Variants in PTPRQ observed in about 807,000 individuals in gnomAD.
The protein encoded by PTPRQ is phosphatidylinositol phosphatase PTPRQ.
Under a neutral mutation model 246.0 loss-of-function variants are expected in PTPRQ, and 199 were observed. The observed-to-expected ratio is 0.81, with a 90% CI of 0.72 to 0.91. The LOEUF is 0.91. Ranked by LOEUF, PTPRQ falls within the 40% of genes least tolerant of loss-of-function variation. PTPRQ has a pLI of 0.00. For synonymous variants in PTPRQ, 869 were observed against 853.2 expected (o/e 1.02, Z -0.32); for missense variants, 2,624 against 2,528.4 (o/e 1.04, Z -0.81).
chr12:80,635,600 A>C (rs1463936405), intron 35 of PTPRQ, among the ~76,000 whole-genome samples: 3 of 152,014 alleles, frequency 2.0e-5, no homozygotes, highest in Non-Finnish European at 4.4e-5. Context: ...AGTTACCTTC[A>C]GAGGGAAAAG....
chr12:80,496,378 G>C lies in PTPRQ; in HGVS notation c.2119G>C (p.Asp707His). The C allele has an allele frequency of 1.9e-6, 3 of 1,550,408 alleles. No individual in the cohort carries two copies. The highest frequency in any genetic ancestry group is 2.6e-6 in the Non-Finnish European group (3 of 1,146,190). ...TTATGAAGTGCTATATAAAAATATA[G>C]ATACTTTATATATGAAGAACACATC... ...IAYEVLYKNI[D>H]TLYMKNTSTT... is the part of the protein sequence containing the mutation. The change falls in exon 14 of 45, where the codon GAT (aspartate) becomes CAT (histidine). Residue 707 changes from aspartate to histidine, a missense_variant. Physicochemically the swap from Asp to His is moderately conservative, Grantham distance 81. Coordinates refer to ENST00000644991, the MANE Select transcript of PTPRQ (RefSeq NM_001145026.2).
intron 19 of PTPRQ, among the ~76,000 whole-genome samples, chr12:80,537,523 G>A (rs1170959534): frequency 1.3e-5 from 2 of 152,068 alleles, no homozygotes; most frequent in East Asian, 3.9e-4. Flanking sequence ...GTCAGACATA[G>A]GTTTAATGCT....
In PTPRQ at chr12:80,444,459, A is replaced by G. The variant is rs984068538; in HGVS notation, c.54+60A>G. 8.2e-6 allele frequency: 8 copies of G among 979,854 alleles called. No homozygotes were observed. In the Admixed American group the frequency reaches 1.1e-4, roughly 13 times the overall value. 60.7% of individuals were successfully genotyped at this position (979,854 alleles called of 1,614,324 possible). A position where few individuals can be genotyped will look rare whatever the true frequency, so the allele number is the denominator to read the frequency against. ...AGTCATGGGCTGTAGATTTCTCAAGACTTGAATAGTTGTTCCTTGTGACAG... is the reference window on the plus strand; with the variant it reads ...AGTCATGGGCTGTAGATTTCTCAAGGCTTGAATAGTTGTTCCTTGTGACAG... On this transcript the variant is annotated intron_variant, in intron 1 of 44. Transcript: ENST00000644991.
rs1005570619 is a variant in PTPRQ at position 80,484,537 on chromosome 12, C to T, written c.1291C>T (p.Arg431Ter). The change falls in exon 9 of 45, where the codon CGA becomes TGA. Residue 431 changes from arginine (R) to a stop codon, truncating the protein, a stop_gained. Transcript: ENST00000644991. LOFTEE classifies it high-confidence loss of function. ...RQPNGIINQY[R>*]VKVLVPETGI... ...ACCAAATGGAATTATTAACCAATAC[C>T]GAGTGAAAGTGCTAGTTCCAGAGAC... 5.0e-5 allele frequency: 78 copies of T among 1,550,860 alleles called. No individual in the cohort carries two copies. The highest frequency in any genetic ancestry group is 6.2e-5 in the Non-Finnish European group (71 of 1,146,764).
intron 36 of PTPRQ, 74 bp from the exon 37 acceptor site, chr12:80,649,514 G>A (rs1292849397): frequency 3.4e-6 from 5 of 1,484,838 alleles, no homozygotes; most frequent in Non-Finnish European, 4.5e-6. Context: ...TGTTAAAAGT[G>A]AAGCCAGTGC....
At chr12:80,618,364 AC>A (rs1898847913) in intron 30 of PTPRQ, among the ~76,000 whole-genome samples, 1 of 131,204 alleles carries the variant, frequency 7.6e-6, no homozygotes, top group Admixed American at 7.8e-5. Context: ...CTACATTCAC[AC>A]ACACACACAC....
intron 17 of PTPRQ, among the ~76,000 whole-genome samples, chr12:80,524,896 T>C (rs1592614352): frequency 6.6e-6 from 1 of 152,340 alleles, no homozygotes; most frequent in Admixed American, 6.5e-5. Context: ...ATATGTGTTA[T>C]AATTGGCCTT....
Position 80,652,727 on chromosome 12 carries a change from A to G in PTPRQ, c.6025-17A>G, listed in dbSNP as rs1407143982. 9.0e-5 allele frequency: 134 copies of G among 1,489,652 alleles called. No homozygotes were observed. The highest frequency in any genetic ancestry group is 1.2e-4 in the Non-Finnish European group (130 of 1,123,714). 92.3% of individuals were successfully genotyped at this position (1,489,652 alleles called of 1,614,324 possible). A position where few individuals can be genotyped will look rare whatever the true frequency, so the allele number is the denominator to read the frequency against. On this transcript the variant is annotated splice_polypyrimidine_tract_variant and intron_variant, in intron 37 of 44. Transcript: ENST00000644991. ...ACCTCTGATAAATGTAAACTTTGTA[A>G]TGACTTTATTTTACAGGAATTACCA...
At chr12:80,509,984 T>C (rs1407487018) in intron 16 of PTPRQ, among the ~76,000 whole-genome samples, 1 of 152,130 alleles carries the variant, frequency 6.6e-6, no homozygotes, top group Non-Finnish European at 1.5e-5. Context: ...ACTGTATATT[T>C]ATTCACCCTC....
intron 5 of PTPRQ, among the ~76,000 whole-genome samples, chr12:80,459,948 T>C (rs1300557454): frequency 1.3e-5 from 2 of 152,164 alleles, no homozygotes; most frequent in Non-Finnish European, 2.9e-5. Flanking sequence ...TTTGCAGAGG[T>C]AGACTGTCAT....
At chr12:80,478,894 G>A (rs563912529) in intron 8 of PTPRQ, among the ~76,000 whole-genome samples, 6 of 152,266 alleles carry the variant, frequency 3.9e-5, no homozygotes, top group Admixed American at 1.3e-4. Flanking sequence ...CCAAATCTAC[G>A]TCTGATTGGT....
intron 25 of PTPRQ, among the ~76,000 whole-genome samples, chr12:80,576,845 T>G (rs1185707109): frequency 6.6e-6 from 1 of 152,228 alleles, no homozygotes; most frequent in Non-Finnish European, 1.5e-5. Flanking sequence ...ACCTCTCCTG[T>G]GATAACTCTG....
intron 37 of PTPRQ, among the ~76,000 whole-genome samples, chr12:80,651,503 C>T (rs754535850): frequency 1.5e-4 from 23 of 152,032 alleles, no homozygotes; most frequent in Non-Finnish European, 2.1e-4. Flanking sequence ...TCTAACTCAT[C>T]TGTGGTCCCA....
intron 25 of PTPRQ, among the ~76,000 whole-genome samples, chr12:80,561,850 G>T (rs541308328): frequency 6.6e-6 from 1 of 152,164 alleles, no homozygotes; most frequent in East Asian, 1.9e-4. Flanking sequence ...GGACACCCTT[G>T]CCTTGTTCCT....
intron 43 of PTPRQ, 67 bp from the exon 44 acceptor site, chr12:80,678,535 A>C: frequency 6.9e-7 from 1 of 1,446,522 alleles, no homozygotes; most frequent in Admixed American, 2.6e-5. Context: ...TAGCTTTAAC[A>C]ATATAACTCC....
Position 80,498,886 on chromosome 12 carries a change from TA to T in PTPRQ, c.2272+2356del, listed in dbSNP as rs869080692. Among the ~76,000 whole-genome samples, 5 of 139,904 alleles carry T rather than the reference TA, an allele frequency of 3.6e-5. No homozygotes were observed. The Admixed American group carries it at 3.6e-4, about 10-fold the overall frequency. 91.8% of individuals were successfully genotyped at this position (139,904 alleles called of 152,430 possible). ...TGATTATTACATGCACATAATCTTT[TA>T]CTTAGTATTGAAAATGTAATTTTAT... On this transcript the variant is annotated intron_variant, in intron 14 of 44. Transcript: ENST00000644991.
intron 43 of PTPRQ, among the ~76,000 whole-genome samples, chr12:80,673,837 A>T (rs1262177237): frequency 6.6e-6 from 1 of 152,128 alleles, no homozygotes; most frequent in Non-Finnish European, 1.5e-5. Context: ...ATATTTACAA[A>T]ATATATACAA....
At chr12:80,616,114 T>C (rs905815476) in intron 29 of PTPRQ, 86 bp from the exon 30 acceptor site, 1 of 827,630 alleles carries the variant, frequency 1.2e-6, no homozygotes, top group Non-Finnish European at 1.6e-6. Flanking sequence ...TATACATACA[T>C]ATATAGATAC....
At chr12:80,592,333 AT>A (rs1592695186) in intron 26 of PTPRQ, among the ~76,000 whole-genome samples, 1 of 152,142 alleles carries the variant, frequency 6.6e-6, no homozygotes, top group East Asian at 1.9e-4. Flanking sequence ...AATGGAGGAA[AT>A]TTTTGCTTCC....
Sources: gnomAD v4.1 joint callset for allele counts (sites outside exome capture counted in the v4.1 genomes callset) on GRCh38, gnomAD v4.1.1 for gene constraint, MANE v1.5 for transcripts, NCBI Gene and HGNC (gene_info 2026-07-23, HGNC 2026-07-21) for gene names.